The following HECW2 variants were observed in gnomAD, a reference collection of about 807,000 sequenced individuals.
HECW2 encodes E3 ubiquitin-protein ligase HECW2.
HECW2 carries 61 observed loss-of-function variants against 175.2 expected under a neutral mutation model. That is an observed-to-expected ratio of 0.35 (90% confidence interval 0.28 to 0.43). The LOEUF is 0.43. Ranked by LOEUF, HECW2 falls within the 20% of genes least tolerant of loss-of-function variation. The pLI, the probability that HECW2 is intolerant of heterozygous loss-of-function variation, is 1.00. For synonymous variants in HECW2, 671 were observed against 731.0 expected (o/e 0.92, Z 1.32); for missense variants, 1,524 against 2,000.5 (o/e 0.76, Z 4.54).
Position 196,443,109 on chromosome 2 carries a change from T to C in HECW2, c.-35-9651A>G, listed in dbSNP as rs1054901908. 3.3e-5 allele frequency among the ~76,000 whole-genome samples: 5 copies of C among 152,300 alleles called. No homozygotes were observed. The South Asian group carries it at 6.2e-4, about 19-fold the overall frequency. On this transcript the variant is annotated intron_variant, in intron 1 of 28. Coordinates refer to ENST00000644978, the MANE Select transcript of HECW2 (RefSeq NM_001348768.2). Reference sequence around the variant, plus strand: ...CTTTCTCCATGATGTTGCTCAGGACTGACTGGTAGGAGACAGGATCCTATG... The same window carrying C: ...CTTTCTCCATGATGTTGCTCAGGACCGACTGGTAGGAGACAGGATCCTATG...
At chr2:196,402,182 CA>C (rs1352417230) in intron 2 of HECW2, among the ~76,000 whole-genome samples, 1 of 107,284 alleles carries the variant, frequency 9.3e-6, no homozygotes, top group Non-Finnish European at 1.7e-5. Flanking sequence ...GCCTGGGCAA[CA>C]GAGTGAGACT....
At chr2:196,399,060 T>C (rs1325803399) in intron 2 of HECW2, among the ~76,000 whole-genome samples, 1 of 152,194 alleles carries the variant, frequency 6.6e-6, no homozygotes, top group Non-Finnish European at 1.5e-5. Flanking sequence ...TATGATTTTA[T>C]TTCAATTCAT....
chr2:196,416,304 C>T (rs575242344), intron 2 of HECW2, among the ~76,000 whole-genome samples: 1 of 152,062 alleles, frequency 6.6e-6, no homozygotes, highest in Non-Finnish European at 1.5e-5. Context: ...GATTTAAAAT[C>T]CCAAGGACAG....
intron 1 of HECW2, among the ~76,000 whole-genome samples, chr2:196,566,281 C>G: frequency 7.3e-6 from 1 of 136,192 alleles, no homozygotes; most frequent in Non-Finnish European, 1.6e-5. Context: ...CAAAAATAAG[C>G]AAAAAAAAAA....
intron 13 of HECW2, among the ~76,000 whole-genome samples, chr2:196,305,443 T>C (rs1691223590): frequency 6.6e-6 from 1 of 152,142 alleles, no homozygotes; most frequent in Non-Finnish European, 1.5e-5. Flanking sequence ...TTAACATAAG[T>C]AAATATGTAT....
chr2:196,309,239 C>T (rs1261653933), intron 10 of HECW2, among the ~76,000 whole-genome samples: 2 of 152,168 alleles, frequency 1.3e-5, no homozygotes, highest in South Asian at 2.1e-4. Context: ...TTGCTGAAGG[C>T]CATCACCTCA....
chr2:196,417,235 AT>A (rs535064473), intron 2 of HECW2, among the ~76,000 whole-genome samples: 2 of 152,362 alleles, frequency 1.3e-5, no homozygotes, highest in African/African-American at 4.8e-5. Flanking sequence ...ATGATGAAAA[AT>A]ATCATACTTC....
intron 1 of HECW2, among the ~76,000 whole-genome samples, chr2:196,471,515 T>C (rs751352062): frequency 2.0e-5 from 3 of 152,142 alleles, no homozygotes; most frequent in Non-Finnish European, 4.4e-5. Context: ...CACATGCACA[T>C]ATATGTTCAC....
Position 196,201,925 on chromosome 2 carries a change from T to A in HECW2, c.4608-537A>T, listed in dbSNP as rs1397080267. ...CCCTGGCTGGACTTTTCTAAGTCAGTAGGCCATTGTTACTTCTTTGAATCC... is the reference window on the plus strand; with the variant it reads ...CCCTGGCTGGACTTTTCTAAGTCAGAAGGCCATTGTTACTTCTTTGAATCC... On this transcript the variant is annotated intron_variant, in intron 28 of 28. Transcript: ENST00000644978. Among the ~76,000 whole-genome samples the A allele has an allele frequency of 2.0e-5, 3 of 152,220 alleles. No homozygotes were observed. The East Asian group carries it at 5.8e-4, about 29-fold the overall frequency.
intron 3 of HECW2, among the ~76,000 whole-genome samples, chr2:196,341,069 A>T (rs2105822154): frequency 6.6e-6 from 1 of 152,348 alleles, no homozygotes; most frequent in South Asian, 2.1e-4. Flanking sequence ...ATCAGCCAGG[A>T]CATTATGAAT....
rs147316106 is a variant in HECW2 at position 196,279,390 on chromosome 2, C to T, written c.3001-728G>A. On this transcript the variant is annotated intron_variant, in intron 14 of 28. Coordinates refer to ENST00000644978, the MANE Select transcript of HECW2 (RefSeq NM_001348768.2). Reference sequence around the variant, plus strand: ...TTGACTTCTCTTCTTTCTTCCTTCTCCTATACAGTAAGCCACAAAATCCTT... The same window carrying T: ...TTGACTTCTCTTCTTTCTTCCTTCTTCTATACAGTAAGCCACAAAATCCTT... Among the ~76,000 whole-genome samples the T allele has an allele frequency of 5.4e-3, 828 of 152,270 alleles. 7 individuals are homozygous for T. Among genetic ancestry groups the T allele is most frequent in the Middle Eastern group, 0.02 (6 of 294 alleles).
rs1422420534 is a variant in HECW2, at chr2:196,422,581, G to A, written c.292+10551C>T. On this transcript the variant is annotated intron_variant, in intron 2 of 28. Coordinates refer to ENST00000644978, the MANE Select transcript of HECW2 (RefSeq NM_001348768.2). ...AATCAAGCCCCCTGCCAACCCACACGAGACATGCAGCATTAGCAATAAATA... is the reference window on the plus strand; with the variant it reads ...AATCAAGCCCCCTGCCAACCCACACAAGACATGCAGCATTAGCAATAAATA... Among the ~76,000 whole-genome samples, 3 of 152,136 alleles carry A rather than the reference G, an allele frequency of 2.0e-5. No homozygotes were observed. In the East Asian group the frequency reaches 5.8e-4, roughly 29 times the overall value.
chr2:196,231,775 T>G (rs1047327045), intron 21 of HECW2, among the ~76,000 whole-genome samples: 1 of 7,408 alleles, frequency 1.3e-4, no homozygotes, highest in Non-Finnish European at 5.7e-3. Context: ...GATCACAAGG[T>G]CAGGACCATC....
intron 28 of HECW2, among the ~76,000 whole-genome samples, chr2:196,208,539 T>C (rs1687149217): frequency 6.6e-6 from 1 of 152,116 alleles, no homozygotes; most frequent in African/African-American, 2.4e-5. Context: ...GATGACTGAA[T>C]TGGGTCAAGC....
At chr2:196,434,803 G>A (rs1695822821) in intron 1 of HECW2, among the ~76,000 whole-genome samples, 1 of 152,162 alleles carries the variant, frequency 6.6e-6, no homozygotes, top group Admixed American at 6.5e-5. Context: ...AAAACTTTCT[G>A]CCACTCACAC....
chr2:196,365,633 A>G (rs949349307), intron 2 of HECW2, among the ~76,000 whole-genome samples: 2 of 152,214 alleles, frequency 1.3e-5, no homozygotes, highest in African/African-American at 2.4e-5. Context: ...AATATATACA[A>G]AAGTGAGGTA....
intron 2 of HECW2, among the ~76,000 whole-genome samples, chr2:196,373,790 T>C (rs946982020): frequency 4.3e-4 from 65 of 152,104 alleles, no homozygotes; most frequent in African/African-American, 1.5e-3. Context: ...GTGCCACCAT[T>C]GGGAAGCCGA....
At chr2:196,413,560 G>T (rs1209897848) in intron 2 of HECW2, among the ~76,000 whole-genome samples, 2 of 152,066 alleles carry the variant, frequency 1.3e-5, no homozygotes, top group African/African-American at 2.4e-5. Context: ...GGCCAGGCTG[G>T]TCTCAAACTC....
chr2:196,222,672 C>T (rs2105822523), intron 23 of HECW2, among the ~76,000 whole-genome samples: 1 of 152,258 alleles, frequency 6.6e-6, no homozygotes, highest in Admixed American at 6.5e-5. Flanking sequence ...GGAACTGGCA[C>T]TCGGGTTGAC....
Sources: allele counts gnomAD v4.1 joint callset (sites outside exome capture counted in the v4.1 genomes callset), GRCh38; gene constraint gnomAD v4.1.1; transcripts MANE v1.5; gene names NCBI Gene and HGNC (gene_info 2026-07-23, HGNC 2026-07-21).